Variants in OR9Q1 observed in about 807,000 individuals in gnomAD.
OR9Q1 encodes the protein olfactory receptor family 9 subfamily Q member 1, also known as olfactory receptor 9Q1.
For missense variants in OR9Q1, 374 were observed against 378.8 expected, an observed-to-expected ratio of 0.99 and a Z score of 0.11; for synonymous variants, 153 against 148.6, an observed-to-expected ratio of 1.03 and a Z score of -0.22.
intron 2 of OR9Q1, among the ~76,000 whole-genome samples, chr11:58,124,262 A>G (rs1384447931): frequency 6.6e-6 from 1 of 152,104 alleles, no homozygotes; most frequent in African/African-American, 2.4e-5. Flanking sequence ...ATGGCCAGTG[A>G]CTCTTTTAAG....
intron 1 of OR9Q1, among the ~76,000 whole-genome samples, chr11:58,054,368 C>G (rs1270866310): frequency 6.6e-6 from 1 of 152,120 alleles, no homozygotes; most frequent in Non-Finnish European, 1.5e-5. Flanking sequence ...CCTTTCCAAC[C>G]TTTCCTTCTA....
At chr11:58,126,522 C>T (rs371372077) in intron 2 of OR9Q1, among the ~76,000 whole-genome samples, 6 of 152,188 alleles carry the variant, frequency 3.9e-5, no homozygotes, top group Admixed American at 6.5e-5. Context: ...AGCATTCAGG[C>T]GAACTAGGGT....
chr11:58,128,681 G>T (rs566953437), intron 2 of OR9Q1, among the ~76,000 whole-genome samples: 4 of 151,982 alleles, frequency 2.6e-5, no homozygotes, highest in African/African-American at 9.7e-5. Context: ...AAGATGAATG[G>T]ATAAAGAAAA....
At position 58,112,292 on chromosome 11, in the gene OR9Q1, C is replaced by CA. The variant is rs761960271; in HGVS notation, c.-15+56348dup. On this transcript the variant is annotated intron_variant, in intron 2 of 2. Coordinates refer to ENST00000335397, the MANE Select transcript of OR9Q1 (RefSeq NM_001005212.4). ...TAGGTGACAGAGTGAGACTTCGTCTCAAAGAAAAAAAAAAAGATTATAAAT... is the reference window on the plus strand; with the variant it reads ...TAGGTGACAGAGTGAGACTTCGTCTCAAAAGAAAAAAAAAAAGATTATAAAT... 5.5e-4 allele frequency among the ~76,000 whole-genome samples: 62 copies of CA among 111,746 alleles called. 1 individual carries two copies. The highest frequency in any genetic ancestry group is 3.2e-3 in the South Asian group (8 of 2,528). 73.3% of individuals were successfully genotyped at this position (111,746 alleles called of 152,430 possible).
chr11:58,130,203 A>G (rs939051280), intron 2 of OR9Q1, among the ~76,000 whole-genome samples: 1 of 152,220 alleles, frequency 6.6e-6, no homozygotes, highest in African/African-American at 2.4e-5. Flanking sequence ...CAATTCAATC[A>G]GAAAAGTTAA....
In OR9Q1 at chr11:58,118,636, TC is replaced by T. The variant is rs751897474; in HGVS notation, c.-14-60793del. On this transcript the variant is annotated intron_variant, in intron 2 of 2. Transcript: ENST00000335397. ...ATAGAAGACAGACACGACTTTGTCT[TC>T]CTCCAGAGATTTGCCTGAGCCACTT... The T allele has an allele frequency of 5.0e-6, 8 of 1,613,850 alleles. No individual in the cohort carries two copies. In the African/African-American group the frequency reaches 1.1e-4, roughly 22 times the overall value.
At chr11:58,140,130 GTTGT>G (rs1854232406) in intron 2 of OR9Q1, among the ~76,000 whole-genome samples, 1 of 152,056 alleles carries the variant, frequency 6.6e-6, no homozygotes, top group Admixed American at 6.6e-5. Context: ...TTTTGATGGG[GTTGT>G]TTGTTTTTTT....
chr11:58,134,760 A>AT (rs1854175332), intron 2 of OR9Q1, among the ~76,000 whole-genome samples: 1 of 151,840 alleles, frequency 6.6e-6, no homozygotes, highest in African/African-American at 2.4e-5. Context: ...TTGGTAAGGG[A>AT]TTTTGTGGTA....
chr11:58,027,483 CAAAAT>C (rs1852986955), intron 1 of OR9Q1, among the ~76,000 whole-genome samples: 1 of 152,138 alleles, frequency 6.6e-6, no homozygotes, highest in Non-Finnish European at 1.5e-5. Context: ...CAAAAACAAA[CAAAAT>C]AAACCCACAG....
intron 1 of OR9Q1, among the ~76,000 whole-genome samples, chr11:58,054,706 TG>T (rs1315486202): frequency 1.2e-4 from 3 of 24,286 alleles, no homozygotes; most frequent in Non-Finnish European, 1.1e-4. Flanking sequence ...GCGGATCACT[TG>T]AGGTCAGAAG....
chr11:58,097,791 T>C (rs187925957), intron 2 of OR9Q1, among the ~76,000 whole-genome samples: 1 of 152,308 alleles, frequency 6.6e-6, no homozygotes, highest in East Asian at 1.9e-4. Flanking sequence ...AAAGAACTAA[T>C]GGTGCATGCA....
intron 2 of OR9Q1, among the ~76,000 whole-genome samples, chr11:58,098,389 G>T (rs188227680): frequency 6.6e-6 from 1 of 152,098 alleles, no homozygotes; most frequent in African/African-American, 2.4e-5. Flanking sequence ...TGTCATGCTA[G>T]TTACAATATC....
At chr11:58,126,369 G>A (rs1350780168) in intron 2 of OR9Q1, among the ~76,000 whole-genome samples, 1 of 152,196 alleles carries the variant, frequency 6.6e-6, no homozygotes, top group African/African-American at 2.4e-5. Context: ...TGATTCAGTA[G>A]AACCTCTCTG....
intron 2 of OR9Q1, among the ~76,000 whole-genome samples, chr11:58,085,338 C>T (rs1161619052): frequency 4.0e-5 from 6 of 151,814 alleles, no homozygotes; most frequent in Admixed American, 3.9e-4. Context: ...TCAAGGCAAT[C>T]AATGTATTAA....
chr11:58,037,216 A>G (rs1853108380), intron 1 of OR9Q1, among the ~76,000 whole-genome samples: 1 of 152,214 alleles, frequency 6.6e-6, no homozygotes, highest in South Asian at 2.1e-4. Flanking sequence ...TTTTTTAGCA[A>G]TAAAGTATTT....
intron 2 of OR9Q1, among the ~76,000 whole-genome samples, chr11:58,092,433 G>A (rs1853693499): frequency 6.6e-6 from 1 of 151,400 alleles, no homozygotes; most frequent in African/African-American, 2.4e-5. Flanking sequence ...AATTTTATAA[G>A]ACATAATAAT....
chr11:58,037,689 A>ATTTTTTTTTTTTTTTTT (rs554392577), intron 1 of OR9Q1, among the ~76,000 whole-genome samples: 1 of 6,998 alleles, frequency 1.4e-4, no homozygotes, highest in Admixed American at 3.1e-3. Flanking sequence ...ATATATATAT[A>ATTTTTTTTTTTTTTTTT]TTTTTTTTTT....
At chr11:58,117,789 AG>A (rs1211108463) in intron 2 of OR9Q1, 1 of 152,170 alleles carries the variant, frequency 6.6e-6, no homozygotes, top group Non-Finnish European at 1.5e-5. Flanking sequence ...ACATTCCCAA[AG>A]GTAGGATGGT....
intron 2 of OR9Q1, among the ~76,000 whole-genome samples, chr11:58,165,089 G>T (rs1296256380): frequency 6.6e-6 from 1 of 152,118 alleles, no homozygotes; most frequent in Non-Finnish European, 1.5e-5. Flanking sequence ...TTTTCCTTTT[G>T]TGTTATTTTC....
Sources: gnomAD v4.1 joint callset for allele counts (sites outside exome capture counted in the v4.1 genomes callset) on GRCh38, gnomAD v4.1.1 for gene constraint, MANE v1.5 for transcripts, NCBI Gene and HGNC (gene_info 2026-07-23, HGNC 2026-07-21) for gene names.